Variants in ASB3 observed in about 807,000 individuals in gnomAD.
ASB3 encodes the protein ankyrin repeat and SOCS box containing 3.
ASB3 carries 41 observed loss-of-function variants against 54.5 expected under a neutral mutation model. That is an observed-to-expected ratio of 0.75 (90% CI 0.59 to 0.98). ASB3 has a LOEUF of 0.98. ASB3 is among the 50% of genes least tolerant of loss of function. The pLI is 0.00. For missense variants in ASB3, 733 were observed against 620.0 expected, an observed-to-expected ratio of 1.18 and a Z score of -1.94; for synonymous variants, 266 against 221.2, an observed-to-expected ratio of 1.20 and a Z score of -1.80.
At chr2:53,711,511 C>T (rs538636350) in intron 7 of ASB3, among the ~76,000 whole-genome samples, 5 of 152,248 alleles carry the variant, frequency 3.3e-5, no homozygotes, top group South Asian at 2.1e-4. Flanking sequence ...AGGCCAGGCG[C>T]GGTGACTCAT....
intron 3 of ASB3, among the ~76,000 whole-genome samples, chr2:53,735,313 C>T (rs550852883): frequency 6.6e-6 from 1 of 152,150 alleles, no homozygotes; most frequent in African/African-American, 2.4e-5. Context: ...CTGAACTTTC[C>T]CTCATGGTCC....
chr2:53,684,773 G>T (rs1475097612), intron 9 of ASB3, among the ~76,000 whole-genome samples: 1 of 152,208 alleles, frequency 6.6e-6, no homozygotes, highest in Non-Finnish European at 1.5e-5. Context: ...AATGCAGTTT[G>T]AGAGGTAAGT....
At chr2:53,681,116 T>G (rs1188748153) in intron 9 of ASB3, among the ~76,000 whole-genome samples, 1 of 152,236 alleles carries the variant, frequency 6.6e-6, no homozygotes, top group Non-Finnish European at 1.5e-5. Context: ...TCACAGTTTC[T>G]TTATCCATTG....
intron 9 of ASB3, among the ~76,000 whole-genome samples, chr2:53,690,594 G>A (rs967420750): frequency 2.0e-5 from 3 of 151,616 alleles, no homozygotes; most frequent in African/African-American, 7.3e-5. Context: ...GTCACCTAGT[G>A]TCATTGACAA....
intron 3 of ASB3, among the ~76,000 whole-genome samples, chr2:53,730,534 A>T (rs2103912613): frequency 6.6e-6 from 1 of 152,268 alleles, no homozygotes; most frequent in African/African-American, 2.4e-5. Flanking sequence ...TTACAGTAGA[A>T]TGATTTCTAT....
At chr2:53,700,207 A>G in intron 8 of ASB3, 64 bp downstream of exon 8, 1 of 1,549,256 alleles carries the variant, frequency 6.5e-7, no homozygotes, top group Non-Finnish European at 8.7e-7. Flanking sequence ...ATCTCAACTG[A>G]AGGAAATTAA....
Position 53,700,485 on chromosome 2 carries a change from C to G in ASB3, c.1024G>C (p.Ala342Pro). Residue 342 changes from alanine (A) to proline (P), a missense_variant, in exon 8 of 10, where the codon GCC becomes CCC. By Grantham distance (27) the Ala-to-Pro change is conservative. Transcript: ENST00000263634. ...GIVNILLKYG[A>P]QINELHLAYC... ...GCCAAATGAAGTTCATTTATCTGGG[C>G]TCCATATTTCAAAAGAATGTTCACA... 1 of 1,613,332 alleles carries G rather than the reference C, an allele frequency of 6.2e-7. No individual in the cohort carries two copies. Among genetic ancestry groups the G allele is most frequent in the Non-Finnish European group, 8.5e-7 (1 of 1,179,780 alleles).
chr2:53,765,244 TA>T (rs1296316141), intron 2 of ASB3, 132 bp downstream of exon 2: 1 of 1,274,012 alleles, frequency 7.8e-7, no homozygotes, highest in African/African-American at 1.5e-5. Context: ...CCTTAATAAA[TA>T]AATTCAGGCA....
At chr2:53,681,488 TA>T (rs1195522875) in intron 9 of ASB3, among the ~76,000 whole-genome samples, 1 of 152,202 alleles carries the variant, frequency 6.6e-6, no homozygotes, top group East Asian at 1.9e-4. Context: ...TTTCTTTTAG[TA>T]GTTAGAGGTC....
intron 2 of ASB3, among the ~76,000 whole-genome samples, chr2:53,758,835 A>T (rs1188044610): frequency 6.6e-6 from 1 of 152,128 alleles, no homozygotes; most frequent in African/African-American, 2.4e-5. Flanking sequence ...CAGATGGGAC[A>T]TGTTCCCCAC....
At chr2:53,766,788 C>CT (rs753125749) in intron 1 of ASB3, among the ~76,000 whole-genome samples, 1,486 of 148,112 alleles carry the variant, frequency 0.01, 11 homozygotes, top group Non-Finnish European at 0.014. Context: ...AAAAGACTTG[C>CT]TTTTTTTTTT....
intron 7 of ASB3, among the ~76,000 whole-genome samples, chr2:53,710,186 C>A (rs972370308): frequency 3.9e-5 from 6 of 152,232 alleles, no homozygotes; most frequent in African/African-American, 1.4e-4. Flanking sequence ...GGCTGTGCCA[C>A]GCCAGTCTGC....
In ASB3 at chr2:53,716,657, A is replaced by G. The variant is rs200706554; in HGVS notation, c.691T>C (p.Leu231=). 1.4e-5 allele frequency: 22 copies of G among 1,614,034 alleles called. No homozygotes were observed. The highest frequency in any genetic ancestry group is 1.3e-4 in the Admixed American group (8 of 60,004). Residue 231 remains leucine (L), a synonymous_variant, in exon 6 of 10, where the codon TTG becomes CTG. Coordinates refer to ENST00000263634, the MANE Select transcript of ASB3 (RefSeq NM_016115.5). ...TCAGGATCTGCCCCACTGGAGAGCA[A>G]AAGCTCCACACATTTTGTGTGTCCC... The part of the protein sequence containing the change: ...QEGHTKCVEL[L]LSSGADPDLY...
chr2:53,778,528 T>C (rs962402546), intron 1 of ASB3, among the ~76,000 whole-genome samples: 1 of 152,180 alleles, frequency 6.6e-6, no homozygotes, highest in Non-Finnish European at 1.5e-5. Context: ...TTGACTATCA[T>C]CTCCCCATTC....
At position 53,772,318 on chromosome 2, in the gene ASB3, G is replaced by GC. The variant is rs1673989422; in HGVS notation, c.-13-6734dup. On this transcript the variant is annotated intron_variant, in intron 1 of 9. Transcript: ENST00000263634. ...GCCTCCCAAGTAGCTGGGACTACAG[G>GC]CGCCCGCCACCATGTCTGGCTAATT... Among the ~76,000 whole-genome samples the GC allele has an allele frequency of 2.0e-5, 3 of 152,174 alleles. No homozygotes were observed. In the South Asian group the frequency reaches 6.2e-4, roughly 32 times the overall value.
intron 9 of ASB3, among the ~76,000 whole-genome samples, chr2:53,684,806 G>A (rs1668550300): frequency 6.6e-6 from 1 of 152,214 alleles, no homozygotes; most frequent in South Asian, 2.1e-4. Context: ...GAAACCTAAT[G>A]AGACCCTTAA....
intron 9 of ASB3, 137 bp downstream of exon 9, chr2:53,693,746 CT>C (rs1307542301): frequency 8.1e-7 from 1 of 1,240,794 alleles, no homozygotes; most frequent in African/African-American, 1.5e-5. Context: ...ACAACCCCAT[CT>C]TTTCCTCACA....
chr2:53,685,166 A>G (rs1376306432), intron 9 of ASB3, among the ~76,000 whole-genome samples: 1 of 152,204 alleles, frequency 6.6e-6, no homozygotes, highest in Non-Finnish European at 1.5e-5. Context: ...GGGGCATGGT[A>G]TATTCAAACA....
chr2:53,772,953 C>G (rs935866792), intron 1 of ASB3, among the ~76,000 whole-genome samples: 8 of 152,114 alleles, frequency 5.3e-5, no homozygotes, highest in Admixed American at 2.6e-4. Flanking sequence ...ACCAACAATC[C>G]TCAGTTTCTT....
Sources: gnomAD v4.1 joint callset for allele counts (sites outside exome capture counted in the v4.1 genomes callset) on GRCh38, gnomAD v4.1.1 for gene constraint, MANE v1.5 for transcripts, NCBI Gene and HGNC (gene_info 2026-07-23, HGNC 2026-07-21) for gene names.